Variants in PTPRO observed in about 807,000 individuals in gnomAD.
The protein encoded by PTPRO is receptor-type tyrosine-protein phosphatase O.
A neutral mutation model predicts 145.2 loss-of-function variants in PTPRO; 62 were observed. The observed-to-expected ratio is 0.43, with a 90% CI of 0.35 to 0.53. The LOEUF (loss-of-function observed/expected upper bound fraction) is 0.53, where lower values mean the gene tolerates loss of function less well. Ranked by LOEUF, PTPRO falls within the 20% of genes least tolerant of loss-of-function variation. PTPRO has a pLI of 0.01. For missense variants in PTPRO, 1,345 were observed against 1,482.7 expected, an observed-to-expected ratio of 0.91 and a Z score of 1.53; for synonymous variants, 565 against 514.7, an observed-to-expected ratio of 1.10 and a Z score of -1.32.
chr12:15,473,651 C>T (rs1941589793), intron 1 of PTPRO, among the ~76,000 whole-genome samples: 1 of 151,432 alleles, frequency 6.6e-6, no homozygotes, highest in Non-Finnish European at 1.5e-5. Flanking sequence ...CCTGTAATCC[C>T]AGCTACTCGG....
chr12:15,470,819 T>C (rs972022335), intron 1 of PTPRO, among the ~76,000 whole-genome samples: 4 of 152,162 alleles, frequency 2.6e-5, no homozygotes, highest in Non-Finnish European at 5.9e-5. Context: ...AGATGAGTAA[T>C]GGTCAAGGAA....
intron 19 of PTPRO, among the ~76,000 whole-genome samples, chr12:15,574,723 T>C (rs912514675): frequency 6.6e-6 from 1 of 152,228 alleles, no homozygotes; most frequent in African/African-American, 2.4e-5. Context: ...TATGTTTTTG[T>C]CACTCACAAC....
intron 1 of PTPRO, among the ~76,000 whole-genome samples, chr12:15,459,868 G>C (rs1941262114): frequency 6.6e-6 from 1 of 152,178 alleles, no homozygotes; most frequent in Non-Finnish European, 1.5e-5. Context: ...AAGCTGGTAA[G>C]AGGATTTGAA....
intron 1 of PTPRO, among the ~76,000 whole-genome samples, chr12:15,372,826 G>C (rs1269148463): frequency 6.6e-6 from 1 of 152,050 alleles, no homozygotes; most frequent in East Asian, 1.9e-4. Context: ...CCCTATAGTA[G>C]ACTGAGAATA....
intron 1 of PTPRO, among the ~76,000 whole-genome samples, chr12:15,383,128 A>G (rs1000609292): frequency 1.4e-4 from 22 of 152,066 alleles, no homozygotes; most frequent in African/African-American, 4.3e-4. Context: ...GTCCACTCCA[A>G]CCATATCCCA....
At chr12:15,581,017 A>G (rs1262051124) in intron 22 of PTPRO, among the ~76,000 whole-genome samples, 186 bp downstream of exon 22, 1 of 152,224 alleles carries the variant, frequency 6.6e-6, no homozygotes, top group Non-Finnish European at 1.5e-5. Flanking sequence ...TGGTCTTTGC[A>G]ATGTCTAAAG....
At chr12:15,544,567 C>G (rs1437704752) in intron 12 of PTPRO, among the ~76,000 whole-genome samples, 1 of 149,354 alleles carries the variant, frequency 6.7e-6, no homozygotes, top group Admixed American at 6.7e-5. Flanking sequence ...AAGATATGCT[C>G]TCTGGGACTG....
At chr12:15,574,582 G>T (rs1002994892) in intron 19 of PTPRO, among the ~76,000 whole-genome samples, 2 of 152,144 alleles carry the variant, frequency 1.3e-5, no homozygotes, top group Non-Finnish European at 2.9e-5. Context: ...TGCTATAGAT[G>T]GAACCTCTTC....
chr12:15,492,445 T>C (rs1406273235), intron 2 of PTPRO, among the ~76,000 whole-genome samples: 5 of 152,210 alleles, frequency 3.3e-5, no homozygotes, highest in African/African-American at 1.2e-4. Context: ...TGCAGTGCTG[T>C]GCCTACAGTT....
At chr12:15,526,339 T>G in intron 12 of PTPRO, 77 bp downstream of exon 12, 1 of 1,571,006 alleles carries the variant, frequency 6.4e-7, no homozygotes, top group Non-Finnish European at 8.7e-7. Flanking sequence ...AGCTCCTCAA[T>G]TCAATGAAAT....
chr12:15,356,181 C>G (rs1407413758), intron 1 of PTPRO, among the ~76,000 whole-genome samples: 1 of 152,126 alleles, frequency 6.6e-6, no homozygotes, highest in Non-Finnish European at 1.5e-5. Context: ...TATAATCCTG[C>G]AACATATTTA....
chr12:15,330,214 G>A (rs912132207), intron 1 of PTPRO, among the ~76,000 whole-genome samples: 1 of 152,172 alleles, frequency 6.6e-6, no homozygotes, highest in East Asian at 1.9e-4. Flanking sequence ...CTAGTAGCAG[G>A]TTGTTGAAAT....
At chr12:15,370,040 A>G (rs1938479072) in intron 1 of PTPRO, among the ~76,000 whole-genome samples, 1 of 142,440 alleles carries the variant, frequency 7.0e-6, no homozygotes, top group Non-Finnish European at 1.5e-5. Flanking sequence ...CAACAGAGCA[A>G]GACTCCATCT....
chr12:15,501,627 T>C lies in PTPRO; in HGVS notation c.669T>C (p.Tyr223=). ...AAATTCTCTCTCTTACAGCCCCTTA[T>C]CCACCTCAAAATATTTCCGTTCGTA... ...HEPKQHRTAP[Y]PPQNISVRIV... is the part of the protein sequence containing the mutation. The change falls in exon 5 of 27, where the codon TAT becomes TAC. Residue 223 remains tyrosine, a synonymous_variant. Coordinates refer to ENST00000281171, the MANE Select transcript of PTPRO (RefSeq NM_030667.3). 6.2e-7 allele frequency: 1 copy of C among 1,612,956 alleles called. No individual in the cohort carries two copies. The highest frequency in any genetic ancestry group is 8.5e-7 in the Non-Finnish European group (1 of 1,179,024).
intron 11 of PTPRO, among the ~76,000 whole-genome samples, chr12:15,525,626 C>T (rs1213672926): frequency 6.6e-6 from 1 of 152,144 alleles, no homozygotes; most frequent in African/African-American, 2.4e-5. Flanking sequence ...ATGTGGAAGC[C>T]CAGCACTTAC....
chr12:15,362,322 T>C (rs1591742745), intron 1 of PTPRO, among the ~76,000 whole-genome samples: 1 of 152,226 alleles, frequency 6.6e-6, no homozygotes, highest in South Asian at 2.1e-4. Flanking sequence ...GGGAATTGGG[T>C]GTTGAGTCCC....
chr12:15,547,393 A>G (rs1035465889), intron 13 of PTPRO, among the ~76,000 whole-genome samples: 1 of 152,268 alleles, frequency 6.6e-6, no homozygotes, highest in African/African-American at 2.4e-5. Context: ...TTTCACAGCC[A>G]GAAGTGAAAG....
In PTPRO at chr12:15,416,305, TTC is replaced by T. The variant is rs1010264179; in HGVS notation, c.76-67653_76-67652del. ...GGTCAAACTAAATCTTGGTTCCTCTTTCTCTCTCTCTCTCTCTTTCTTTTTTT... is the reference window on the plus strand; with the variant it reads ...GGTCAAACTAAATCTTGGTTCCTCTTTCTCTCTCTCTCTCTTTCTTTTTTT... On this transcript the variant is annotated intron_variant, in intron 1 of 26. Coordinates refer to ENST00000281171, the MANE Select transcript of PTPRO (RefSeq NM_030667.3). 7.6e-5 allele frequency among the ~76,000 whole-genome samples: 11 copies of T among 144,424 alleles called. No homozygotes were observed. The South Asian group carries it at 1.1e-3, about 14-fold the overall frequency. 94.7% of individuals were successfully genotyped at this position (144,424 alleles called of 152,430 possible).
chr12:15,535,978 T>C lies in PTPRO; in HGVS notation c.2164+9716T>C, dbSNP rs1400753505. On this transcript the variant is annotated intron_variant, in intron 12 of 26. Coordinates refer to ENST00000281171, the MANE Select transcript of PTPRO (RefSeq NM_030667.3). ...TCTCTGTCTCTCTCAAATATGGTTA[T>C]AGATACATAGAAATCTGTAGGCTGC... Among the ~76,000 whole-genome samples the C allele has an allele frequency of 4.6e-5, 7 of 152,342 alleles. No individual in the cohort carries two copies. The East Asian group carries it at 1.3e-3, about 29-fold the overall frequency.
Sources: gnomAD v4.1 joint callset for allele counts (sites outside exome capture counted in the v4.1 genomes callset) on GRCh38, gnomAD v4.1.1 for gene constraint, MANE v1.5 for transcripts, NCBI Gene and HGNC (gene_info 2026-07-23, HGNC 2026-07-21) for gene names.